The following CMSS1 variants were observed in gnomAD, a reference collection of about 807,000 sequenced individuals.
CMSS1 encodes protein CMSS1.
A neutral mutation model predicts 43.5 loss-of-function variants in CMSS1; 33 were observed. That is an observed-to-expected ratio of 0.76 (90% CI 0.57 to 1.01). CMSS1 has a LOEUF of 1.01. Ranked by LOEUF, CMSS1 falls within the 50% of genes least tolerant of loss-of-function variation. The pLI is 0.00. For missense variants in CMSS1, 313 were observed against 326.4 expected, an observed-to-expected ratio of 0.96 and a Z score of 0.32; for synonymous variants, 115 against 117.2, an observed-to-expected ratio of 0.98 and a Z score of 0.12.
intron 1 of CMSS1, among the ~76,000 whole-genome samples, chr3:99,960,927 G>A (rs751708433): frequency 6.6e-5 from 10 of 152,178 alleles, no homozygotes; most frequent in Non-Finnish European, 1.5e-4. Context: ...AATGTAAAAA[G>A]AGTCTATTTT....
At chr3:100,109,901 T>TGCCC (rs2066459252) in intron 1 of CMSS1, 1 of 114,710 alleles carries the variant, frequency 8.7e-6, no homozygotes, top group African/African-American at 4.1e-5. Flanking sequence ...GTTTCTTTTA[T>TGCCC]GACCCCCCCC....
At chr3:100,027,073 T>A (rs900606506) in intron 1 of CMSS1, among the ~76,000 whole-genome samples, 1 of 152,166 alleles carries the variant, frequency 6.6e-6, no homozygotes, top group Non-Finnish European at 1.5e-5. Context: ...TGCATCCCTT[T>A]GCTTAAATGT....
chr3:99,895,924 A>T (rs145967497), intron 1 of CMSS1, among the ~76,000 whole-genome samples: 6 of 152,270 alleles, frequency 3.9e-5, no homozygotes, highest in African/African-American at 1.2e-4. Context: ...CCCATCATCT[A>T]TGTTTGGTCA....
rs1709716142 is a variant in CMSS1, at chr3:99,997,455, G to A, written c.65-149518G>A. Among the ~76,000 whole-genome samples the A allele has an allele frequency of 1.3e-5, 2 of 152,164 alleles. 1 individual carries two copies. The highest frequency in any genetic ancestry group is 4.1e-4 in the South Asian group (2 of 4,828). On this transcript the variant is annotated intron_variant, in intron 1 of 9. Coordinates refer to ENST00000421999, the MANE Select transcript of CMSS1 (RefSeq NM_032359.4). Reference sequence around the variant, plus strand: ...TTAAGTGACAAATCCAGATTTTGAGGCTAAGTCTTCCAAGTCCATTGTTCT... The same window carrying A: ...TTAAGTGACAAATCCAGATTTTGAGACTAAGTCTTCCAAGTCCATTGTTCT...
chr3:100,117,746 T>C (rs1009787724), intron 1 of CMSS1, among the ~76,000 whole-genome samples: 7 of 145,940 alleles, frequency 4.8e-5, no homozygotes, highest in African/African-American at 1.8e-4. Flanking sequence ...GTAAAACAGA[T>C]ACACTTTTTT....
At chr3:100,010,583 C>T (rs547686339) in intron 1 of CMSS1, among the ~76,000 whole-genome samples, 21 of 151,492 alleles carry the variant, frequency 1.4e-4, no homozygotes, top group Admixed American at 1.3e-3. Context: ...TTGGCTAAAG[C>T]ATTCTATATC....
At chr3:99,983,462 G>GTATATATATATATATATATATATATA (rs1466852207) in intron 1 of CMSS1, among the ~76,000 whole-genome samples, 1 of 11,996 alleles carries the variant, frequency 8.3e-5, no homozygotes. Flanking sequence ...ATATATATGT[G>GTATATATATATATATATATATATATA]TGTATATATA....
intron 1 of CMSS1, chr3:99,924,278 A>T: frequency 6.2e-7 from 1 of 1,614,050 alleles, no homozygotes; most frequent in Non-Finnish European, 8.5e-7. Context: ...ACTCTTCTCC[A>T]TGTATTCTTT....
intron 1 of CMSS1, chr3:99,925,791 C>A (rs866657634): frequency 4.3e-5 from 40 of 924,146 alleles, no homozygotes; most frequent in Admixed American, 6.2e-5. Context: ...AAGAACCAGG[C>A]AGTAAAGAAC....
intron 1 of CMSS1, among the ~76,000 whole-genome samples, chr3:99,854,460 A>AG (rs1943855703): frequency 6.6e-6 from 1 of 152,178 alleles, no homozygotes; most frequent in African/African-American, 2.4e-5. Flanking sequence ...TCATTCCCTA[A>AG]GAGCTGTGTA....
chr3:100,157,026 G>A (rs1045991088), intron 2 of CMSS1, among the ~76,000 whole-genome samples: 1 of 152,026 alleles, frequency 6.6e-6, no homozygotes, highest in African/African-American at 2.4e-5. Flanking sequence ...AAAGCACTAG[G>A]GTTACAGACA....
intron 1 of CMSS1, among the ~76,000 whole-genome samples, chr3:99,886,734 A>C (rs558135525): frequency 6.6e-6 from 1 of 151,972 alleles, no homozygotes; most frequent in East Asian, 1.9e-4. Flanking sequence ...TAGGCAGATC[A>C]CTTGAGGTTA....
chr3:99,988,136 A>T (rs1435503237), intron 1 of CMSS1, among the ~76,000 whole-genome samples: 2 of 152,100 alleles, frequency 1.3e-5, no homozygotes, highest in African/African-American at 4.8e-5. Flanking sequence ...TCTATAAGTG[A>T]ACAAAAGCTA....
At chr3:99,955,645 G>A (rs1172209149) in intron 1 of CMSS1, among the ~76,000 whole-genome samples, 1 of 152,128 alleles carries the variant, frequency 6.6e-6, no homozygotes, top group East Asian at 1.9e-4. Context: ...CGTTAGTCTT[G>A]CCTATCAAAC....
intron 8 of CMSS1, 158 bp from the exon 9 acceptor site, chr3:100,176,169 T>C: frequency 3.6e-6 from 2 of 556,776 alleles, no homozygotes; most frequent in Admixed American, 6.4e-5. Context: ...CTGCATTTGT[T>C]TTCCATCAGG....
At chr3:100,137,457 G>C (rs2066765082) in intron 1 of CMSS1, among the ~76,000 whole-genome samples, 1 of 151,824 alleles carries the variant, frequency 6.6e-6, no homozygotes, top group African/African-American at 2.4e-5. Flanking sequence ...AAAATTGGTA[G>C]AATTACTGTA....
At chr3:99,980,900 G>C (rs554821019) in intron 1 of CMSS1, among the ~76,000 whole-genome samples, 4 of 152,070 alleles carry the variant, frequency 2.6e-5, no homozygotes, top group Non-Finnish European at 4.4e-5. Context: ...GGTTTGAATC[G>C]GGTACTTGAA....
intron 1 of CMSS1, among the ~76,000 whole-genome samples, chr3:99,923,985 T>C (rs1232587108): frequency 6.6e-6 from 1 of 152,266 alleles, no homozygotes; most frequent in East Asian, 1.9e-4. Context: ...CTTTGCAGCC[T>C]TCACAGGGCA....
rs1244436348 is a variant in CMSS1 at position 100,166,324 on chromosome 3, T to G, written c.356-11T>G. Reference sequence around the variant, plus strand: ...AAAATTATCTACAAAGCATGTTTATTATATTTCTAGACTCCTGTTTCCTCA... The same window carrying G: ...AAAATTATCTACAAAGCATGTTTATGATATTTCTAGACTCCTGTTTCCTCA... On this transcript the variant is annotated splice_polypyrimidine_tract_variant and intron_variant, in intron 4 of 9. Coordinates refer to ENST00000421999, the MANE Select transcript of CMSS1 (RefSeq NM_032359.4). The G allele has an allele frequency of 6.4e-7, 1 of 1,567,756 alleles. No individual in the cohort carries two copies. Among genetic ancestry groups the G allele is most frequent in the East Asian group, 2.2e-5 (1 of 44,616 alleles).
Sources: gnomAD v4.1 joint callset for allele counts (sites outside exome capture counted in the v4.1 genomes callset) on GRCh38, gnomAD v4.1.1 for gene constraint, MANE v1.5 for transcripts, NCBI Gene and HGNC (gene_info 2026-07-23, HGNC 2026-07-21) for gene names.